Variants in ITPK1 observed in about 807,000 individuals in gnomAD.
ITPK1 encodes inositol 1,3,4-trisphosphate 5/6-kinase.
In ITPK1, 21 loss-of-function variants were observed where a neutral mutation model predicts 45.3. The observed-to-expected ratio is 0.46, with a 90% CI of 0.33 to 0.67. The LOEUF (loss-of-function observed/expected upper bound fraction) is 0.67, where lower values mean the gene tolerates loss of function less well. Among genes scored for constraint, ITPK1 ranks in the 30% least tolerant of loss-of-function variants. ITPK1 has a pLI of 0.02. For missense variants in ITPK1, 474 were observed against 573.5 expected (o/e 0.83, Z 1.77); for synonymous variants, 258 against 253.6 (o/e 1.02, Z -0.16).
Position 93,076,642 on chromosome 14 carries a change from C to G in ITPK1, c.96-23G>C, listed in dbSNP as rs1891230926. 6.2e-7 allele frequency: 1 copy of G among 1,614,018 alleles called. No individual in the cohort carries two copies. The highest frequency in any genetic ancestry group is 1.7e-5 in the Admixed American group (1 of 59,996). On this transcript the variant is annotated intron_variant, in intron 2 of 10. Transcript: ENST00000267615. This position sits in a 1 kb window ranked among gnomAD's most constrained non-coding sequence, Gnocchi z 4.3. ...TTCCTGTGGAGAAAAACAAAGAAAA[C>G]AAGCGTTACTCCAGCAGGCTGGACA...
intron 3 of ITPK1, among the ~76,000 whole-genome samples, chr14:93,046,594 C>CG (rs1239483624): frequency 0.063 from 4,631 of 73,858 alleles, 266 homozygotes; most frequent in African/African-American, 0.23. Flanking sequence ...CAGCCGGGGG[C>CG]GGGGGGGGGC....
intron 3 of ITPK1, among the ~76,000 whole-genome samples, chr14:93,027,563 G>A (rs1282282326): frequency 6.6e-6 from 1 of 152,054 alleles, no homozygotes; most frequent in Non-Finnish European, 1.5e-5. Flanking sequence ...GCAGACTCTG[G>A]GCTAGACAAC....
intron 5 of ITPK1, among the ~76,000 whole-genome samples, chr14:92,977,729 C>A (rs1418745315): frequency 1.3e-5 from 2 of 151,874 alleles, no homozygotes; most frequent in Admixed American, 1.3e-4. Flanking sequence ...CTTCCACCAT[C>A]ATTGTAAGTT....
chr14:92,962,846 T>C lies in ITPK1; in HGVS notation c.368A>G (p.Asp123Gly), dbSNP rs150264238. Residue 123 changes from aspartate (D) to glycine (G), a missense_variant, in exon 6 of 11, where the codon GAC (aspartate) becomes GGC (glycine). Asp to Gly is a moderately conservative substitution (Grantham distance 94). This residue lies in a region of ITPK1 where 367 missense variants were observed against 480.6 expected (regional missense o/e 0.76). Transcript: ENST00000267615. ...CATGAAGGGTGGCGAGCAGATCCTG[T>C]CGTCTAGGGCAGAAGGGAGGCCTGG... ...IRKIEAYMEDDRICSPPFMEL... is the reference protein window; with the variant it reads ...IRKIEAYMEDGRICSPPFMEL... 1.2e-6 allele frequency: 2 copies of C among 1,611,638 alleles called. No homozygotes were observed. Among genetic ancestry groups the C allele is most frequent in the African/African-American group, 2.7e-5 (2 of 74,856 alleles).
chr14:93,047,740 A>AGC (rs1453836936), intron 3 of ITPK1, among the ~76,000 whole-genome samples: 13 of 152,306 alleles, frequency 8.5e-5, no homozygotes, highest in Admixed American at 5.2e-4. Flanking sequence ...GTGACCTGTT[A>AGC]TGGCATTCCT....
At position 93,016,544 on chromosome 14, in the gene ITPK1, G is replaced by C. The variant is rs1888188456; in HGVS notation, c.246+132C>G. The C allele has an allele frequency of 6.7e-6, 7 of 1,037,786 alleles. No individual in the cohort carries two copies. The highest frequency in any genetic ancestry group is 1.6e-5 in the African/African-American group (1 of 62,772). The allele number at this position is 1,037,786 out of a possible 1,614,324, so 64.3% of individuals were successfully genotyped here. ...CTGCCCACGAGCCCATGTCTTGCCA[G>C]TGGCAGAGCCATTTCTCCAGACTAT... On this transcript the variant is annotated intron_variant, in intron 4 of 10. Coordinates refer to ENST00000267615, the MANE Select transcript of ITPK1 (RefSeq NM_014216.6). This position sits in a 1 kb window ranked among gnomAD's most constrained non-coding sequence, Gnocchi z 5.0.
chr14:92,976,603 T>C (rs1412240239), intron 5 of ITPK1, among the ~76,000 whole-genome samples: 2 of 152,234 alleles, frequency 1.3e-5, no homozygotes, highest in Non-Finnish European at 2.9e-5. Flanking sequence ...TAACACAGCA[T>C]ATGCAGGGCT....
chr14:92,971,229 G>A (rs1471765299), intron 5 of ITPK1, among the ~76,000 whole-genome samples: 1 of 152,204 alleles, frequency 6.6e-6, no homozygotes, highest in African/African-American at 2.4e-5. Flanking sequence ...GAGGACCTGG[G>A]CTGTCTGGGT....
intron 3 of ITPK1, among the ~76,000 whole-genome samples, chr14:93,073,287 T>C (rs1051951542): frequency 2.0e-5 from 3 of 151,980 alleles, no homozygotes; most frequent in Non-Finnish European, 4.4e-5. Flanking sequence ...GAGTGCACAA[T>C]CCTCTGCAGA....
intron 8 of ITPK1, among the ~76,000 whole-genome samples, chr14:92,955,153 C>T (rs528898618): frequency 1.6e-4 from 24 of 152,332 alleles, no homozygotes; most frequent in African/African-American, 4.3e-4. Flanking sequence ...GCTGTAAGCC[C>T]GGCCACCTGC....
rs114599875 is a variant in ITPK1, at chr14:92,937,112, T to G, written c.*4449A>C. 6.6e-6 allele frequency: 1 copy of G among 152,200 alleles called. No individual in the cohort carries two copies. Among genetic ancestry groups the G allele is most frequent in the Non-Finnish European group, 1.5e-5 (1 of 68,058 alleles). The allele number at this position is 152,200 out of a possible 1,614,324, so 9.4% of individuals were successfully genotyped here. On this transcript the variant is annotated 3_prime_UTR_variant, in exon 11 of 11. Transcript: ENST00000267615. ...ACCCATCCCAAAGCCACCCGCAGTG[T>G]CCTAACCTCATGGAGTGAACATGCG...
intron 5 of ITPK1, among the ~76,000 whole-genome samples, chr14:92,973,926 C>T (rs1365620766): frequency 1.3e-5 from 2 of 152,216 alleles, no homozygotes; most frequent in African/African-American, 2.4e-5. Flanking sequence ...GGCTGGAGGG[C>T]TCCAGGCATT....
In ITPK1 at chr14:92,939,854, G is replaced by A. The variant is rs1887271252; in HGVS notation, c.*1707C>T. ...AAACTTGAGCAACATGTGTAAACAC[G>A]TGTGAAATGCGGTTTGATTTCAGTA... On this transcript the variant is annotated 3_prime_UTR_variant, in exon 11 of 11. Coordinates refer to ENST00000267615, the MANE Select transcript of ITPK1 (RefSeq NM_014216.6). 3.0e-6 allele frequency: 3 copies of A among 985,734 alleles called. No homozygotes were observed. The highest frequency in any genetic ancestry group is 3.6e-6 in the Non-Finnish European group (3 of 829,860). The allele number at this position is 985,734 out of a possible 1,614,324, so 61.1% of individuals were successfully genotyped here. A position where few individuals can be genotyped will look rare whatever the true frequency, so the allele number is the denominator to read the frequency against.
At chr14:93,091,542 T>C (rs953493962) in intron 2 of ITPK1, among the ~76,000 whole-genome samples, 4 of 152,224 alleles carry the variant, frequency 2.6e-5, no homozygotes, top group Non-Finnish European at 5.9e-5. Context: ...TCAACAAGGA[T>C]GGCTTCACTT....
intron 2 of ITPK1, among the ~76,000 whole-genome samples, chr14:93,107,647 G>A (rs1892576926): frequency 6.6e-6 from 1 of 152,198 alleles, no homozygotes; most frequent in African/African-American, 2.4e-5. Flanking sequence ...GAGGGGTGGG[G>A]GGATGCGGAG....
At chr14:93,073,854 C>T (rs1386106082) in intron 3 of ITPK1, among the ~76,000 whole-genome samples, 3 of 152,210 alleles carry the variant, frequency 2.0e-5, no homozygotes, top group African/African-American at 4.8e-5. Flanking sequence ...GGGTACTTAA[C>T]ACCACATCAT....
rs114319139 is a variant in ITPK1, at chr14:93,110,173, A to G, written c.95+4896T>C. On this transcript the variant is annotated intron_variant, in intron 2 of 10. Transcript: ENST00000267615. ...CTGAGGCAGTCCCTTCAATAGATCC[A>G]TGTGCACACGGACGCTTCCTCCTAT... 3.7e-3 allele frequency among the ~76,000 whole-genome samples: 559 copies of G among 152,250 alleles called. 4 individuals carry two copies. Among genetic ancestry groups the G allele is most frequent in the Middle Eastern group, 0.017 (5 of 294 alleles).
chr14:92,947,291 A>G (rs1887735401), intron 9 of ITPK1, among the ~76,000 whole-genome samples: 2 of 152,130 alleles, frequency 1.3e-5, no homozygotes, highest in African/African-American at 4.8e-5. Flanking sequence ...AGCTTTCCTC[A>G]AGGTTTCCAT....
At chr14:93,064,164 T>C (rs1890650604) in intron 3 of ITPK1, among the ~76,000 whole-genome samples, 1 of 152,086 alleles carries the variant, frequency 6.6e-6, no homozygotes, top group African/African-American at 2.4e-5. Flanking sequence ...GCACCTGTAG[T>C]CCCAGCTACT....
Sources: allele counts gnomAD v4.1 joint callset (sites outside exome capture counted in the v4.1 genomes callset), GRCh38; gene constraint gnomAD v4.1.1; regional missense constraint gnomAD v4.1.1; non-coding constraint Gnocchi (gnomAD v3.1); transcripts MANE v1.5; gene names NCBI Gene and HGNC (gene_info 2026-07-23, HGNC 2026-07-21).